Variants in DCTN5 observed in about 807,000 individuals in gnomAD.
The protein encoded by DCTN5 is dynactin 4.
In DCTN5, 14 loss-of-function variants were observed where a neutral mutation model predicts 23.5. The ratio of observed to expected loss-of-function variants is 0.60; its 90% CI spans 0.39 to 0.93. DCTN5 has a LOEUF of 0.93. DCTN5 is among the 40% of genes least tolerant of loss of function. The pLI is 0.00. For synonymous variants in DCTN5, 67 were observed against 79.6 expected, an observed-to-expected ratio of 0.84 and a Z score of 0.84; for missense variants, 156 against 225.9, an observed-to-expected ratio of 0.69 and a Z score of 1.98.
chr16:23,660,058 A>G (rs1967783028), intron 3 of DCTN5, among the ~76,000 whole-genome samples: 1 of 152,234 alleles, frequency 6.6e-6, no homozygotes, highest in South Asian at 2.1e-4. Context: ...TTCTACCTGC[A>G]TGTCATACCA....
chr16:23,655,543 A>ATT (rs763639132), intron 2 of DCTN5, among the ~76,000 whole-genome samples: 2 of 141,702 alleles, frequency 1.4e-5, no homozygotes, highest in Non-Finnish European at 1.5e-5. Flanking sequence ...GCCCTGCTTA[A>ATT]TTTTTTTTTT....
At chr16:23,648,344 C>CTTTTTTCTTTTTTTTT (rs1446479407) in intron 2 of DCTN5, among the ~76,000 whole-genome samples, 1 of 105,524 alleles carries the variant, frequency 9.5e-6, no homozygotes, top group African/African-American at 3.6e-5. Context: ...TTTCTTTTTT[C>CTTTTTTCTTTTTTTTT]TTTTTTTTTT....
chr16:23,641,703 G>C (rs1001896354), intron 1 of DCTN5, 113 bp downstream of exon 1: 1 of 1,125,614 alleles, frequency 8.9e-7, no homozygotes, highest in South Asian at 1.3e-5. Context: ...TTGGCCATTA[G>C]TCCCGGATTA....
chr16:23,653,991 C>G (rs770530539), intron 2 of DCTN5, among the ~76,000 whole-genome samples: 1 of 152,206 alleles, frequency 6.6e-6, no homozygotes, highest in Non-Finnish European at 1.5e-5. Flanking sequence ...GAGATACCGT[C>G]TCACACCAGT....
chr16:23,649,057 A>G (rs1290900436), intron 2 of DCTN5, among the ~76,000 whole-genome samples: 1 of 152,006 alleles, frequency 6.6e-6, no homozygotes, highest in African/African-American at 2.4e-5. Flanking sequence ...ACGAGGTTTC[A>G]CCATATTGCT....
At chr16:23,659,918 G>A (rs1432914389) in intron 3 of DCTN5, among the ~76,000 whole-genome samples, 1 of 152,198 alleles carries the variant, frequency 6.6e-6, no homozygotes, top group African/African-American at 2.4e-5. Context: ...CACAGGAAAA[G>A]CACCAAGAGT....
rs1317770690 is a variant in DCTN5, at chr16:23,641,582, A to G, written c.40A>G (p.Ile14Val). ...GELLYNKSEYIETASGNKVSR... is the reference protein window; with the variant it reads ...GELLYNKSEYVETASGNKVSR... ...GCTGCTCTACAACAAGTCTGAGTAC[A>G]TCGAGACGGTGCGCGGGTCCAGATA... The change falls in exon 1 of 6, where the codon ATC becomes GTC. Residue 14 changes from isoleucine (I) to valine (V), a missense_variant. Ile to Val is a conservative substitution (Grantham distance 29). Coordinates refer to ENST00000300087, the MANE Select transcript of DCTN5 (RefSeq NM_032486.4). 1 of 1,613,988 alleles carries G rather than the reference A, an allele frequency of 6.2e-7. No homozygotes were observed. Among genetic ancestry groups the G allele is most frequent in the Non-Finnish European group, 8.5e-7 (1 of 1,179,910 alleles).
At chr16:23,645,069 T>C (rs1597111027) in intron 2 of DCTN5, among the ~76,000 whole-genome samples, 1 of 112,506 alleles carries the variant, frequency 8.9e-6, no homozygotes, top group African/African-American at 3.3e-5. Flanking sequence ...TGTGAGCCAC[T>C]GCACCCAGCC....
In DCTN5 at chr16:23,671,457, C is replaced by T. The variant is rs976315045; in HGVS notation, c.*4313C>T. On this transcript the variant is annotated 3_prime_UTR_variant, in exon 6 of 6. Transcript: ENST00000300087. ...CCACAAACAAGAGATGGAGAAATCA[C>T]CCTTCCTTGTTTTGTATCTATGGGG... is the stretch of plus-strand genomic sequence containing the variant. The T allele has an allele frequency of 6.6e-6, 1 of 152,198 alleles. No individual in the cohort carries two copies. Among genetic ancestry groups the T allele is most frequent in the Non-Finnish European group, 1.5e-5 (1 of 68,044 alleles). 9.4% of individuals were successfully genotyped at this position (152,198 alleles called of 1,614,324 possible).
intron 2 of DCTN5, chr16:23,651,071 C>T (rs1967595057): frequency 2.2e-6 from 3 of 1,376,154 alleles, no homozygotes; most frequent in South Asian, 1.9e-5. Flanking sequence ...GTTAAAATGC[C>T]ACGTGTCCTT....
intron 1 of DCTN5, among the ~76,000 whole-genome samples, chr16:23,642,018 G>A (rs555968129): frequency 1.7e-3 from 266 of 152,174 alleles, no homozygotes; most frequent in African/African-American, 6.1e-3. Flanking sequence ...TGCAACCTCC[G>A]CCTCCCGGGT....
At chr16:23,645,096 T>G (rs1967402038) in intron 2 of DCTN5, among the ~76,000 whole-genome samples, 2 of 15,026 alleles carry the variant, frequency 1.3e-4, no homozygotes, top group Non-Finnish European at 2.4e-4. Flanking sequence ...TATATATATA[T>G]ATATATATAT....
intron 2 of DCTN5, 60 bp downstream of exon 2, chr16:23,643,083 C>T: frequency 3.7e-6 from 5 of 1,345,428 alleles, no homozygotes; most frequent in Non-Finnish European, 5.3e-6. Flanking sequence ...TAATTGTCAC[C>T]ACAGCAGGGC....
chr16:23,656,323 T>C (rs1167024882), intron 2 of DCTN5, among the ~76,000 whole-genome samples: 3 of 152,234 alleles, frequency 2.0e-5, no homozygotes, highest in Non-Finnish European at 4.4e-5. Context: ...TCAGTCCATA[T>C]TCAGTCTTCC....
chr16:23,645,114 TA>T (rs1567228382), intron 2 of DCTN5, among the ~76,000 whole-genome samples: 893 of 40,694 alleles, frequency 0.022, 64 homozygotes, highest in Non-Finnish European at 0.028. Context: ...TATATATATA[TA>T]TATATATATA....
Position 23,671,507 on chromosome 16 carries a change from G to A in DCTN5, c.*4363G>A, listed in dbSNP as rs180903869. On this transcript the variant is annotated 3_prime_UTR_variant, in exon 6 of 6. Coordinates refer to ENST00000300087, the MANE Select transcript of DCTN5 (RefSeq NM_032486.4). Reference sequence around the variant, plus strand: ...GTGCAAACATTTAATCCTCCCAACTGTCAAAAAAGTGAGAGTTTCACAGCC... The same window carrying A: ...GTGCAAACATTTAATCCTCCCAACTATCAAAAAAGTGAGAGTTTCACAGCC... The A allele has an allele frequency of 8.5e-5, 13 of 152,278 alleles. No individual in the cohort carries two copies. The highest frequency in any genetic ancestry group is 1.6e-4 in the Non-Finnish European group (11 of 68,016). 9.4% of individuals were successfully genotyped at this position (152,278 alleles called of 1,614,324 possible).
At chr16:23,654,850 T>C (rs899522526) in intron 2 of DCTN5, among the ~76,000 whole-genome samples, 1 of 152,210 alleles carries the variant, frequency 6.6e-6, no homozygotes, top group Admixed American at 6.5e-5. Flanking sequence ...GAACGTGTGA[T>C]ATATGTCTTT....
rs953137145 is a variant in DCTN5 at position 23,644,720 on chromosome 16, G to A, written c.117+1697G>A. On this transcript the variant is annotated intron_variant, in intron 2 of 5. Coordinates refer to ENST00000300087, the MANE Select transcript of DCTN5 (RefSeq NM_032486.4). Reference sequence around the variant, plus strand: ...CAAAGTGCTGGGATTACAGGCATGAGCCACCACGCCCAGCCCAAGATTTTT... The same window carrying A: ...CAAAGTGCTGGGATTACAGGCATGAACCACCACGCCCAGCCCAAGATTTTT... Among the ~76,000 whole-genome samples, 3 of 151,676 alleles carry A rather than the reference G, an allele frequency of 2.0e-5. 1 individual carries two copies. Among genetic ancestry groups the A allele is most frequent in the South Asian group, 2.1e-4 (1 of 4,804 alleles).
rs1418342351 is a variant in DCTN5 at position 23,675,023 on chromosome 16, C to G, written c.*7879C>G. 6.6e-6 allele frequency: 1 copy of G among 152,120 alleles called. No homozygotes were observed. Among genetic ancestry groups the G allele is most frequent in the Non-Finnish European group, 1.5e-5 (1 of 68,020 alleles). The allele number at this position is 152,120 out of a possible 1,614,324, so 9.4% of individuals were successfully genotyped here. A position where few individuals can be genotyped will look rare whatever the true frequency, so the allele number is the denominator to read the frequency against. Reference sequence around the variant, plus strand: ...AACAATCCCATTTTAACTTAGTTACCTCTTCAGGGCCTATCTTCAAATATA... The same window carrying G: ...AACAATCCCATTTTAACTTAGTTACGTCTTCAGGGCCTATCTTCAAATATA... On this transcript the variant is annotated 3_prime_UTR_variant, in exon 6 of 6. Coordinates refer to ENST00000300087, the MANE Select transcript of DCTN5 (RefSeq NM_032486.4).
Sources: allele counts gnomAD v4.1 joint callset (sites outside exome capture counted in the v4.1 genomes callset), GRCh38; gene constraint gnomAD v4.1.1; transcripts MANE v1.5; gene names NCBI Gene and HGNC (gene_info 2026-07-23, HGNC 2026-07-21).